PIK3R1: variants seen among roughly 807,000 people sequenced by gnomAD.
The protein encoded by PIK3R1 is phosphatidylinositol 3-kinase regulatory subunit alpha.
In PIK3R1, 29 loss-of-function variants were observed where a neutral mutation model predicts 98.0. The observed-to-expected ratio is 0.30, with a 90% CI of 0.22 to 0.40. The LOEUF (loss-of-function observed/expected upper bound fraction) is 0.40. PIK3R1 is among the 10% of genes least tolerant of loss of function. The probability of loss-of-function intolerance (pLI) is 1.00; values close to 1 mark genes in which losing one functional copy is unlikely to be tolerated. For synonymous variants in PIK3R1, 282 were observed against 311.8 expected (o/e 0.90, Z 1.01); for missense variants, 596 against 872.7 (o/e 0.68, Z 3.99).
intron 2 of PIK3R1, among the ~76,000 whole-genome samples, chr5:68,248,985 A>G (rs1040001396): frequency 2.6e-5 from 4 of 152,258 alleles, no homozygotes; most frequent in African/African-American, 9.6e-5. Flanking sequence ...GCTAATACAT[A>G]GTATTGCAGC....
intron 1 of PIK3R1, among the ~76,000 whole-genome samples, chr5:68,225,432 T>A (rs932008404): frequency 1.3e-5 from 2 of 152,162 alleles, no homozygotes; most frequent in African/African-American, 4.8e-5. Flanking sequence ...TCACCTGGCT[T>A]CTCTTTGCCT....
chr5:68,215,786 AGCAGCG>A lies in PIK3R1; in HGVS notation c.-541_-536del, dbSNP rs1471160177. 8 of 152,482 alleles carry A rather than the reference AGCAGCG, an allele frequency of 5.2e-5. No homozygotes were observed. Among genetic ancestry groups the A allele is most frequent in the African/African-American group, 1.9e-4 (8 of 41,320 alleles). 9.4% of individuals were successfully genotyped at this position (152,482 alleles called of 1,614,324 possible). A position where few individuals can be genotyped will look rare whatever the true frequency, so the allele number is the denominator to read the frequency against. On this transcript the variant is annotated 5_prime_UTR_variant, in exon 1 of 16. Transcript: ENST00000521381. The stretch of plus-strand genomic sequence containing the variant: ...CAGCAGCTGGAGCGGAGTTGGAGGA[AGCAGCG>A]GCAGCGGCGAGGGCGGCAGGCTAGC...
chr5:68,251,923 C>G (rs1745325118), intron 2 of PIK3R1, among the ~76,000 whole-genome samples: 1 of 152,088 alleles, frequency 6.6e-6, no homozygotes, highest in Non-Finnish European at 1.5e-5. Context: ...AGTGACTGTT[C>G]TTGGAGATGT....
chr5:68,276,702 A>G (rs1301128496), intron 4 of PIK3R1, among the ~76,000 whole-genome samples: 1 of 152,248 alleles, frequency 6.6e-6, no homozygotes, highest in Non-Finnish European at 1.5e-5. Flanking sequence ...CACTAGCTCT[A>G]GTAGAATTTG....
At chr5:68,280,264 G>A in intron 5 of PIK3R1, 1 of 510,950 alleles carries the variant, frequency 2.0e-6, no homozygotes, top group East Asian at 3.2e-5. Flanking sequence ...TCAATACTGG[G>A]TAAGTTGCTG....
At chr5:68,296,401 C>T (rs1423960357) in intron 15 of PIK3R1, 60 bp downstream of exon 15, 11 of 1,474,588 alleles carry the variant, frequency 7.5e-6, no homozygotes, top group Non-Finnish European at 1.0e-5. Context: ...TTCATTTATT[C>T]ATTCATTGAG....
chr5:68,262,261 T>C (rs927736518), intron 2 of PIK3R1, among the ~76,000 whole-genome samples: 1 of 151,564 alleles, frequency 6.6e-6, no homozygotes, highest in Non-Finnish European at 1.5e-5. Context: ...TGACATAACT[T>C]TCTCCCTGCT....
At chr5:68,271,248 A>C (rs1819986) in intron 2 of PIK3R1, among the ~76,000 whole-genome samples, 41,190 of 152,080 alleles carry the variant, frequency 0.27, 6,872 homozygotes, top group African/African-American at 0.48. Context: ...TGAAGTTCCC[A>C]CCCAGCCCTC....
chr5:68,260,947 A>G (rs1745719809), intron 2 of PIK3R1, among the ~76,000 whole-genome samples: 1 of 152,232 alleles, frequency 6.6e-6, no homozygotes, highest in Non-Finnish European at 1.5e-5. Flanking sequence ...GTGAAAATGT[A>G]TACCAAAACA....
At chr5:68,239,414 A>G (rs1465137555) in intron 2 of PIK3R1, among the ~76,000 whole-genome samples, 1 of 152,230 alleles carries the variant, frequency 6.6e-6, no homozygotes, top group East Asian at 1.9e-4. Context: ...ACATACATAT[A>G]TACATATAAA....
chr5:68,273,295 C>A, intron 2 of PIK3R1, 95 bp from the exon 3 acceptor site: 1 of 1,158,272 alleles, frequency 8.6e-7, no homozygotes, highest in Non-Finnish European at 1.3e-6. Context: ...TTGCTCGGGC[C>A]TGATGTAATT....
chr5:68,229,861 T>C (rs1481369176), intron 2 of PIK3R1, among the ~76,000 whole-genome samples: 1 of 152,232 alleles, frequency 6.6e-6, no homozygotes, highest in Non-Finnish European at 1.5e-5. Flanking sequence ...CACTGTACTT[T>C]CTTCCAATAC....
Position 68,240,178 on chromosome 5 carries a change from A to C in PIK3R1, c.334+13169A>C, listed in dbSNP as rs140959597. ...TCGTATATGATATGTAGTAAATGTT[A>C]TATTTAAACCATCATATAGAAAAGC... On this transcript the variant is annotated intron_variant, in intron 2 of 15. Transcript: ENST00000521381. Among the ~76,000 whole-genome samples the C allele has an allele frequency of 3.8e-3, 581 of 151,888 alleles. 4 individuals are homozygous for C. Among genetic ancestry groups the C allele is most frequent in the African/African-American group, 0.013 (529 of 41,496 alleles).
At position 68,280,661 on chromosome 5, in the gene PIK3R1, A is replaced by G. The variant is rs1746797017; in HGVS notation, c.768A>G (p.Lys256=). 1 of 1,614,012 alleles carries G rather than the reference A, an allele frequency of 6.2e-7. No individual in the cohort carries two copies. Among genetic ancestry groups the G allele is most frequent in the African/African-American group, 1.3e-5 (1 of 74,924 alleles). Residue 256 remains lysine (K), a synonymous_variant, in exon 6 of 16, where the codon AAA becomes AAG. Coordinates refer to ENST00000521381, the MANE Select transcript of PIK3R1 (RefSeq NM_181523.3). ...HFFKLSQTSS[K]NLLNARVLSE... is the part of the protein sequence containing the mutation. The stretch of plus-strand genomic sequence containing the variant: ...TCAAGCTCTCTCAAACCTCCAGCAA[A>G]AATCTGTTGAATGCAAGAGTACTCT...
At chr5:68,259,667 G>A (rs973682005) in intron 2 of PIK3R1, among the ~76,000 whole-genome samples, 4 of 152,108 alleles carry the variant, frequency 2.6e-5, no homozygotes, top group African/African-American at 9.7e-5. Context: ...GGCTATTCTT[G>A]GACTCTCTAC....
chr5:68,267,901 C>G (rs748392245), intron 2 of PIK3R1, among the ~76,000 whole-genome samples: 59 of 152,130 alleles, frequency 3.9e-4, no homozygotes, highest in Non-Finnish European at 7.9e-4. Flanking sequence ...GTGCTTCCAG[C>G]TTGCTTCCTT....
intron 4 of PIK3R1, among the ~76,000 whole-genome samples, chr5:68,276,130 A>G (rs1449992483): frequency 6.6e-6 from 1 of 152,130 alleles, no homozygotes; most frequent in Non-Finnish European, 1.5e-5. Context: ...GTCTCATGCA[A>G]GTTTTAATGA....
At chr5:68,272,440 A>G (rs941345798) in intron 2 of PIK3R1, among the ~76,000 whole-genome samples, 14 of 152,166 alleles carry the variant, frequency 9.2e-5, no homozygotes, top group Non-Finnish European at 1.9e-4. Flanking sequence ...TTATATTTTC[A>G]TAATGACTTT....
rs746134137 is a variant in PIK3R1, at chr5:68,300,929, C to T, written c.*3328C>T. The T allele has an allele frequency of 4.3e-6, 1 of 233,154 alleles. No individual in the cohort carries two copies. Among genetic ancestry groups the T allele is most frequent in the East Asian group, 6.1e-5 (1 of 16,498 alleles). The allele number at this position is 233,154 out of a possible 1,614,324, so 14.4% of individuals were successfully genotyped here. Reference sequence around the variant, plus strand: ...TTGGAAATCCTTGTTTTCAGTGTGTCGAGTCAAAATGTGTTTATGTGAGCT... The same window carrying T: ...TTGGAAATCCTTGTTTTCAGTGTGTTGAGTCAAAATGTGTTTATGTGAGCT... On this transcript the variant is annotated 3_prime_UTR_variant, in exon 16 of 16. Coordinates refer to ENST00000521381, the MANE Select transcript of PIK3R1 (RefSeq NM_181523.3).
Sources: gnomAD v4.1 joint callset for allele counts (sites outside exome capture counted in the v4.1 genomes callset) on GRCh38, gnomAD v4.1.1 for gene constraint, MANE v1.5 for transcripts, NCBI Gene and HGNC (gene_info 2026-07-23, HGNC 2026-07-21) for gene names.